PDZD9: variants seen among roughly 807,000 people sequenced by gnomAD.
PDZD9 encodes the protein PDZ domain containing 9.
A neutral mutation model predicts 16.3 loss-of-function variants in PDZD9; 13 were observed. That is an observed-to-expected ratio of 0.80 (90% CI 0.52 to 1.27). The LOEUF is 1.27. Ranked by LOEUF, PDZD9 falls within the 50% of genes most tolerant of loss-of-function variation. PDZD9 has a pLI of 0.00. For missense variants in PDZD9, 288 were observed against 310.9 expected, an observed-to-expected ratio of 0.93 and a Z score of 0.55; for synonymous variants, 120 against 111.0, an observed-to-expected ratio of 1.08 and a Z score of -0.51.
chr16:21,989,139 G>A (rs995134680), intron 2 of PDZD9, among the ~76,000 whole-genome samples: 5 of 151,626 alleles, frequency 3.3e-5, no homozygotes, highest in African/African-American at 9.7e-5. Context: ...CACCATGTTG[G>A]CCAGGCTGGT....
chr16:21,971,661 C>T, the PDZD9 span: 11 of 1,582,336 alleles, frequency 7.0e-6, no homozygotes, highest in African/African-American at 2.7e-5. Context: ...ATCAGAAGGG[C>T]GTTTCCCCAC....
At chr16:21,997,513 T>C (rs1440318917) in intron 1 of PDZD9, among the ~76,000 whole-genome samples, 2 of 152,088 alleles carry the variant, frequency 1.3e-5, no homozygotes, top group Non-Finnish European at 2.9e-5. Context: ...TGAGTAAAGC[T>C]GGACATGGTT....
downstream of PDZD9, chr16:21,980,538 A>G: frequency 5.0e-6 from 8 of 1,609,088 alleles, no homozygotes; most frequent in Non-Finnish European, 6.8e-6. Flanking sequence ...TCTGCCTTTT[A>G]TTGGACAGGA....
chr16:21,984,464 T>C lies in PDZD9; in HGVS notation c.598A>G (p.Lys200Glu). 6.2e-7 allele frequency: 1 copy of C among 1,613,740 alleles called. No individual in the cohort carries two copies. The highest frequency in any genetic ancestry group is 8.5e-7 in the Non-Finnish European group (1 of 1,179,634). ...ATCATCACGTCACAATTAATGTCTT[T>C]TCCTACACTAATAGTATGGTTCTTC... ...KKKNHTISVG[K>E]DINCDVMIHR... The change falls in exon 4 of 4, where the codon AAA becomes GAA. Residue 200 changes from lysine to glutamate, a missense_variant. Coordinates refer to ENST00000424898, the MANE Select transcript of PDZD9 (RefSeq NM_001363519.1).
chr16:21,969,627 C>T, the PDZD9 span, among the ~76,000 whole-genome samples: 2 of 152,168 alleles, frequency 1.3e-5, no homozygotes, highest in Admixed American at 1.3e-4. Flanking sequence ...AAAGTAGTTG[C>T]ATGAGAATAT....
the PDZD9 span, chr16:21,972,006 A>T: frequency 6.2e-7 from 1 of 1,614,120 alleles, no homozygotes; most frequent in Non-Finnish European, 8.5e-7. Context: ...TGCAGAGGCA[A>T]ATGCATTTAG....
At chr16:21,971,989 C>T in the PDZD9 span, 9 of 1,614,126 alleles carry the variant, frequency 5.6e-6, no homozygotes, top group African/African-American at 1.3e-5. Flanking sequence ...AGTGCTGTCG[C>T]GGGAAGTGCA....
the PDZD9 span, among the ~76,000 whole-genome samples, chr16:21,969,570 A>G: frequency 6.6e-6 from 1 of 152,196 alleles, no homozygotes; most frequent in East Asian, 1.9e-4. Context: ...TCATAGACCC[A>G]GTGACTTTTA....
chr16:21,988,558 G>A (rs1380969154), intron 3 of PDZD9, 44 bp downstream of exon 3: 2 of 1,487,274 alleles, frequency 1.3e-6, no homozygotes, highest in Non-Finnish European at 1.8e-6. Flanking sequence ...ACAGGCCCTG[G>A]GATTCTGTAT....
At chr16:21,965,989 A>C in the PDZD9 span, among the ~76,000 whole-genome samples, 1 of 151,946 alleles carries the variant, frequency 6.6e-6, no homozygotes, top group Non-Finnish European at 1.5e-5. Flanking sequence ...CAGCCTGTGT[A>C]TCTTTTTTAA....
the PDZD9 span, chr16:21,971,810 C>T: frequency 2.4e-5 from 36 of 1,472,104 alleles, 1 homozygote; most frequent in South Asian, 1.3e-4. Flanking sequence ...GGGAAAGCAC[C>T]GAGCTGCAGA....
At chr16:21,973,628 C>T in the PDZD9 span, among the ~76,000 whole-genome samples, 1 of 152,066 alleles carries the variant, frequency 6.6e-6, no homozygotes, top group Non-Finnish European at 1.5e-5. Flanking sequence ...AACCTTTAAT[C>T]ATCTAAAGCA....
downstream of PDZD9, chr16:21,980,766 G>A (rs1898704646): frequency 6.3e-7 from 1 of 1,576,066 alleles, no homozygotes; most frequent in Non-Finnish European, 8.7e-7. Flanking sequence ...AATTTCAGAA[G>A]GATGCATAAG....
the PDZD9 span, chr16:21,968,749 T>C: frequency 2.7e-6 from 4 of 1,458,422 alleles, no homozygotes; most frequent in African/African-American, 5.7e-5. Context: ...TAAACTGTAA[T>C]TACGTGAACA....
chr16:21,967,283 T>C, the PDZD9 span, among the ~76,000 whole-genome samples: 1 of 152,186 alleles, frequency 6.6e-6, no homozygotes, highest in East Asian at 1.9e-4. Context: ...GATTAAAAGT[T>C]CAGTTTCATT....
rs866240376 is a variant in PDZD9, at chr16:22,000,867, G to A, written c.31+150C>T. 1.7e-5 allele frequency: 12 copies of A among 689,952 alleles called. No individual in the cohort carries two copies. In the Admixed American group the frequency reaches 2.2e-4, roughly 13 times the overall value. 42.7% of individuals were successfully genotyped at this position (689,952 alleles called of 1,614,324 possible). A position where few individuals can be genotyped will look rare whatever the true frequency, so the allele number is the denominator to read the frequency against. ...TGATGATGATGATGATGATGATGAT[G>A]ATGATGATAATGATGATGATGATAA... is the stretch of plus-strand genomic sequence containing the variant. On this transcript the variant is annotated intron_variant, in intron 1 of 3. Coordinates refer to ENST00000424898, the MANE Select transcript of PDZD9 (RefSeq NM_001363519.1).
chr16:21,987,295 C>G (rs528192698), intron 3 of PDZD9, among the ~76,000 whole-genome samples: 3 of 152,098 alleles, frequency 2.0e-5, no homozygotes, highest in Admixed American at 1.3e-4. Context: ...TGGCATGCGC[C>G]TGTAATCCCA....
intron 2 of PDZD9, among the ~76,000 whole-genome samples, chr16:21,990,642 TG>T (rs1208099127): frequency 6.6e-6 from 1 of 152,146 alleles, no homozygotes; most frequent in African/African-American, 2.4e-5. Context: ...TTAATTACAA[TG>T]GCAAAACAAA....
chr16:21,996,265 C>T, intron 2 of PDZD9, 57 bp downstream of exon 2: 2 of 1,471,422 alleles, frequency 1.4e-6, no homozygotes, highest in Non-Finnish European at 1.8e-6. Flanking sequence ...ACCCGAGTCA[C>T]CCTGCAGGCA....
Sources: gnomAD v4.1 joint callset for allele counts (sites outside exome capture counted in the v4.1 genomes callset) on GRCh38, gnomAD v4.1.1 for gene constraint, MANE v1.5 for transcripts, NCBI Gene and HGNC (gene_info 2026-07-23, HGNC 2026-07-21) for gene names.